MAP3K7: variants seen among roughly 807,000 people sequenced by gnomAD.
The protein encoded by MAP3K7 is mitogen-activated protein kinase kinase kinase 7.
MAP3K7 carries 21 observed loss-of-function variants against 84.8 expected under a neutral mutation model. That is an observed-to-expected ratio of 0.25 (90% confidence interval 0.18 to 0.36). The LOEUF (loss-of-function observed/expected upper bound fraction) is 0.36. Ranked by LOEUF, MAP3K7 falls within the 10% of genes least tolerant of loss-of-function variation. The probability of loss-of-function intolerance (pLI) is 1.00; values close to 1 mark genes in which losing one functional copy is unlikely to be tolerated. For synonymous variants in MAP3K7, 241 were observed against 247.7 expected, an observed-to-expected ratio of 0.97 and a Z score of 0.25; for missense variants, 503 against 747.7, an observed-to-expected ratio of 0.67 and a Z score of 3.82.
At chr6:90,518,032 ACACT>A (rs1775025138) in intron 16 of MAP3K7, among the ~76,000 whole-genome samples, 1 of 151,786 alleles carries the variant, frequency 6.6e-6, no homozygotes, top group African/African-American at 2.4e-5. Context: ...CCTCAGAAAA[ACACT>A]CAGTTATGAA....
In MAP3K7 at chr6:90,561,778, C is replaced by A. The variant is rs888990081; in HGVS notation, c.298-111G>T. The A allele has an allele frequency of 1.5e-5, 12 of 778,394 alleles. No homozygotes were observed. The African/African-American group carries it at 1.8e-4, about 11-fold the overall frequency. 48.2% of individuals were successfully genotyped at this position (778,394 alleles called of 1,614,324 possible). A position where few individuals can be genotyped will look rare whatever the true frequency, so the allele number is the denominator to read the frequency against. On this transcript the variant is annotated intron_variant, in intron 3 of 16. Transcript: ENST00000369329. Reference sequence around the variant, plus strand: ...TTTTATAGATATATTAAAAATCATTCTTTTGGCCCCTACTATGTGAATAGT... The same window carrying A: ...TTTTATAGATATATTAAAAATCATTATTTTGGCCCCTACTATGTGAATAGT...
chr6:90,526,326 A>G (rs1367271220), intron 13 of MAP3K7, among the ~76,000 whole-genome samples: 1 of 152,206 alleles, frequency 6.6e-6, no homozygotes. Context: ...ACACTAATGA[A>G]AACTGATTAT....
intron 1 of MAP3K7, among the ~76,000 whole-genome samples, chr6:90,583,462 A>G (rs928672833): frequency 5.3e-5 from 8 of 152,302 alleles, no homozygotes; most frequent in Non-Finnish European, 1.0e-4. Flanking sequence ...GCTTGTCAAT[A>G]TCTGTACAAT....
chr6:90,529,902 G>A (rs965044799), intron 13 of MAP3K7, among the ~76,000 whole-genome samples: 2 of 152,116 alleles, frequency 1.3e-5, no homozygotes, highest in Non-Finnish European at 2.9e-5. Context: ...TGAATAAAAT[G>A]AGAACACAAG....
intron 1 of MAP3K7, among the ~76,000 whole-genome samples, chr6:90,581,894 G>A (rs1430507404): frequency 2.0e-5 from 3 of 152,128 alleles, no homozygotes; most frequent in African/African-American, 7.2e-5. Context: ...ACATATAACT[G>A]TTTAAGTTCT....
intron 13 of MAP3K7, among the ~76,000 whole-genome samples, chr6:90,532,215 T>G (rs76549324): frequency 3.3e-5 from 5 of 152,164 alleles, no homozygotes; most frequent in Non-Finnish European, 4.4e-5. Context: ...CCATGATCCT[T>G]GACACAAGGT....
chr6:90,555,370 C>T (rs977697827), intron 6 of MAP3K7, among the ~76,000 whole-genome samples: 1 of 152,118 alleles, frequency 6.6e-6, no homozygotes, highest in Admixed American at 6.5e-5. Flanking sequence ...ATTCTCCTGC[C>T]TCAGCCTCCC....
intron 3 of MAP3K7, 152 bp from the exon 4 acceptor site, chr6:90,561,819 G>A: frequency 1.6e-6 from 1 of 612,750 alleles, no homozygotes; most frequent in South Asian, 2.2e-5. Context: ...GGAAGGAAAA[G>A]GTATCTATGA....
At chr6:90,579,851 T>A (rs1300645914) in intron 1 of MAP3K7, among the ~76,000 whole-genome samples, 2 of 152,076 alleles carry the variant, frequency 1.3e-5, no homozygotes, top group Non-Finnish European at 2.9e-5. Flanking sequence ...AGTGTTTTGT[T>A]TTACCAGTGG....
chr6:90,534,777 T>C (rs186834518), intron 13 of MAP3K7, among the ~76,000 whole-genome samples: 5 of 152,302 alleles, frequency 3.3e-5, no homozygotes, highest in Admixed American at 3.3e-4. Context: ...TGACATGTCT[T>C]AGGACAAGCT....
At chr6:90,573,945 T>G (rs1776987081) in intron 1 of MAP3K7, among the ~76,000 whole-genome samples, 1 of 152,268 alleles carries the variant, frequency 6.6e-6, no homozygotes, top group Admixed American at 6.5e-5. Context: ...ATCAGACATT[T>G]GTACTTGCCA....
chr6:90,526,056 C>T (rs531451400), intron 13 of MAP3K7, among the ~76,000 whole-genome samples: 1 of 152,006 alleles, frequency 6.6e-6, no homozygotes, highest in Admixed American at 6.6e-5. Flanking sequence ...GTTATGTTGC[C>T]CAGGCTGACC....
chr6:90,514,677 A>G lies in MAP3K7; in HGVS notation c.*1824T>C, dbSNP rs982940012. ...ACGCTTGGATATCTCGTGCTGAGATAAAAGGCCTCTTTAAAGTGACTAGGT... is the reference window on the plus strand; with the variant it reads ...ACGCTTGGATATCTCGTGCTGAGATGAAAGGCCTCTTTAAAGTGACTAGGT... On this transcript the variant is annotated 3_prime_UTR_variant, in exon 17 of 17. Transcript: ENST00000369329. The G allele has an allele frequency of 6.6e-6, 1 of 152,060 alleles. No individual in the cohort carries two copies. Among genetic ancestry groups the G allele is most frequent in the Non-Finnish European group, 1.5e-5 (1 of 67,960 alleles). The allele number at this position is 152,060 out of a possible 1,614,324, so 9.4% of individuals were successfully genotyped here. A position where few individuals can be genotyped will look rare whatever the true frequency, so the allele number is the denominator to read the frequency against.
intron 3 of MAP3K7, among the ~76,000 whole-genome samples, chr6:90,568,352 A>G (rs1776784745): frequency 6.6e-6 from 1 of 152,182 alleles, no homozygotes; most frequent in African/African-American, 2.4e-5. Context: ...CGTGTATAAT[A>G]GCCACATGTA....
Position 90,516,617 on chromosome 6 carries a change from G to T in MAP3K7, c.1705C>A (p.Gln569Lys). Residue 569 changes from glutamine to lysine, a missense_variant, in exon 17 of 17, where the codon CAG becomes AAG. Transcript: ENST00000369329. ...KDQQNTSRLV[Q>K]EHKKLLDENK... ...TCATCTAAAAGCTTTTTATGTTCCTGTACCAGGCGAGATGTATTTTGCTGG... is the reference window on the plus strand; with the variant it reads ...TCATCTAAAAGCTTTTTATGTTCCTTTACCAGGCGAGATGTATTTTGCTGG... 1 of 1,611,908 alleles carries T rather than the reference G, an allele frequency of 6.2e-7. No individual in the cohort carries two copies. Among genetic ancestry groups the T allele is most frequent in the Non-Finnish European group, 8.5e-7 (1 of 1,178,946 alleles).
chr6:90,523,159 C>G (rs1041018166), intron 14 of MAP3K7, among the ~76,000 whole-genome samples: 2 of 151,998 alleles, frequency 1.3e-5, no homozygotes, highest in Non-Finnish European at 2.9e-5. Flanking sequence ...TTCTAAAGGT[C>G]TAATAGAATA....
intron 13 of MAP3K7, among the ~76,000 whole-genome samples, chr6:90,529,212 T>C (rs948505784): frequency 6.6e-6 from 1 of 152,194 alleles, no homozygotes; most frequent in African/African-American, 2.4e-5. Context: ...TTTTCTCTCC[T>C]CTTAAAATTC....
rs951676127 is a variant in MAP3K7 at position 90,586,986 on chromosome 6, C to G, written c.-103G>C. 2.3e-6 allele frequency: 3 copies of G among 1,329,480 alleles called. No homozygotes were observed. The highest frequency in any genetic ancestry group is 2.9e-6 in the Non-Finnish European group (3 of 1,018,374). 82.4% of individuals were successfully genotyped at this position (1,329,480 alleles called of 1,614,324 possible). ...CGGACCGACCCTCAGCCTGGAGCCG[C>G]GCAGTCCTACTACCCGGCGATCCGT... On this transcript the variant is annotated 5_prime_UTR_variant, in exon 1 of 17. Transcript: ENST00000369329.
At chr6:90,522,121 A>T (rs1296330832) in intron 14 of MAP3K7, among the ~76,000 whole-genome samples, 1 of 152,164 alleles carries the variant, frequency 6.6e-6, no homozygotes, top group East Asian at 1.9e-4. Flanking sequence ...ATAGCCACAC[A>T]TGTGCAATAT....
Sources: allele counts gnomAD v4.1 joint callset (sites outside exome capture counted in the v4.1 genomes callset), GRCh38; gene constraint gnomAD v4.1.1; transcripts MANE v1.5; gene names NCBI Gene and HGNC (gene_info 2026-07-23, HGNC 2026-07-21).